Variants in HERC1 observed in about 807,000 individuals in gnomAD.
HERC1 encodes HECT and RLD domain containing E3 ubiquitin protein ligase family member 1.
In HERC1, 160 loss-of-function variants were observed where a neutral mutation model predicts 554.3. The ratio of observed to expected loss-of-function variants is 0.29; its 90% CI spans 0.25 to 0.33. The LOEUF (loss-of-function observed/expected upper bound fraction) is 0.33. Ranked by LOEUF, HERC1 falls within the 10% of genes least tolerant of loss-of-function variation. The pLI is 1.00. For synonymous variants in HERC1, 2,175 were observed against 2,131.7 expected (o/e 1.02, Z -0.56); for missense variants, 4,919 against 5,918.5 (o/e 0.83, Z 5.54).
chr15:63,643,328 TG>T (rs1231909468), intron 58 of HERC1, 75 bp downstream of exon 58: 1 of 1,280,706 alleles, frequency 7.8e-7, no homozygotes, highest in Non-Finnish European at 1.1e-6. Flanking sequence ...TTTCTACAAT[TG>T]GTTAATTTTT....
intron 18 of HERC1, among the ~76,000 whole-genome samples, chr15:63,724,661 A>T (rs980635688): frequency 6.6e-6 from 1 of 152,188 alleles, no homozygotes; most frequent in Non-Finnish European, 1.5e-5. Flanking sequence ...TCATTATTTT[A>T]TAGAATCAAA....
At position 63,758,190 on chromosome 15, in the gene HERC1, G is replaced by C. The variant is rs1312955523; in HGVS notation, c.1206C>G (p.Phe402Leu). The change falls in exon 4 of 78, where the codon TTC becomes TTG. Residue 402 changes from phenylalanine to leucine, a missense_variant. Around this residue, in one of 11 missense-constraint regions of HERC1, gnomAD observed 744 missense variants for 1,090.0 expected, o/e 0.68. Coordinates refer to ENST00000443617, the MANE Select transcript of HERC1 (RefSeq NM_003922.4). This position sits in a 1 kb window ranked among gnomAD's most constrained non-coding sequence, Gnocchi z 4.0. ...GAAAACTTACGGTCTGTGCATCAGAGAAACTAGGAGCCAGTTTGGGTTGCA... is the reference window on the plus strand; with the variant it reads ...GAAAACTTACGGTCTGTGCATCAGACAAACTAGGAGCCAGTTTGGGTTGCA... Reference protein sequence around the residue: ...KILQPKLAPSFSDAQTIEAGQ... With the variant: ...KILQPKLAPSLSDAQTIEAGQ... 6.2e-7 allele frequency: 1 copy of C among 1,609,428 alleles called. No individual in the cohort carries two copies.
At chr15:63,623,369 A>C (rs1336793943) in intron 73 of HERC1, among the ~76,000 whole-genome samples, 1 of 152,204 alleles carries the variant, frequency 6.6e-6, no homozygotes, top group Non-Finnish European at 1.5e-5. Flanking sequence ...TGGCAGTTCT[A>C]CTTTGTTCTA....
chr15:63,672,751 C>A, intron 38 of HERC1, 57 bp from the exon 39 acceptor site: 1 of 1,212,890 alleles, frequency 8.2e-7, no homozygotes, highest in Non-Finnish European at 1.1e-6. Context: ...TCAAAAATAA[C>A]AGCGGGAATA....
intron 74 of HERC1, among the ~76,000 whole-genome samples, chr15:63,617,878 G>T (rs994980304): frequency 2.7e-4 from 41 of 151,872 alleles, no homozygotes; most frequent in African/African-American, 3.9e-4. Flanking sequence ...TAAATGTGTT[G>T]GAGTTCATTG....
At chr15:63,719,586 C>A (rs1028879714) in intron 19 of HERC1, among the ~76,000 whole-genome samples, 1 of 152,194 alleles carries the variant, frequency 6.6e-6, no homozygotes, top group African/African-American at 2.4e-5. Flanking sequence ...GAGTGGAGAA[C>A]TGACTTATAG....
rs2074183618 is a variant in HERC1, at chr15:63,729,441, A to G, written c.3021+56T>C. 11 of 1,596,428 alleles carry G rather than the reference A, an allele frequency of 6.9e-6. No individual in the cohort carries two copies. The South Asian group carries it at 1.1e-4, about 16-fold the overall frequency. The stretch of plus-strand genomic sequence containing the variant: ...TGTAAAAATATCATGGCCTATCCAA[A>G]TATCTGAGTTTCAAGGTCCCTGATA... On this transcript the variant is annotated intron_variant, in intron 15 of 77. Transcript: ENST00000443617.
chr15:63,765,247 T>C (rs1364294534), intron 2 of HERC1, among the ~76,000 whole-genome samples: 1 of 152,122 alleles, frequency 6.6e-6, no homozygotes, highest in African/African-American at 2.4e-5. Context: ...AATGCGACCA[T>C]ACCCTCCTTT....
chr15:63,764,990 G>A (rs1012911141), intron 2 of HERC1, among the ~76,000 whole-genome samples: 2 of 152,092 alleles, frequency 1.3e-5, no homozygotes, highest in African/African-American at 2.4e-5. Flanking sequence ...CTGTGAAAAG[G>A]AAATAAAACC....
intron 2 of HERC1, among the ~76,000 whole-genome samples, chr15:63,771,025 C>G (rs982507703): frequency 1.3e-5 from 2 of 152,026 alleles, no homozygotes; most frequent in Non-Finnish European, 2.9e-5. Flanking sequence ...CCCGTCTCTA[C>G]TAAAAATACA....
intron 3 of HERC1, among the ~76,000 whole-genome samples, chr15:63,760,175 A>G (rs2075560822): frequency 1.3e-5 from 2 of 152,140 alleles, no homozygotes; most frequent in Admixed American, 1.3e-4. Flanking sequence ...GAATACCAAG[A>G]CAAAAGTTGG....
Position 63,756,511 on chromosome 15 carries a change from A to T in HERC1, c.1459T>A (p.Tyr487Asn). ...CTATTTCCATGCCCCAGTTTCCCATAATCACCATCTCCCCAACTGAAGACT... is the reference window on the plus strand; with the variant it reads ...CTATTTCCATGCCCCAGTTTCCCATTATCACCATCTCCCCAACTGAAGACT... ...GEVFSWGDGDYGKLGHGNSST... is the reference protein window; with the variant it reads ...GEVFSWGDGDNGKLGHGNSST... Residue 487 changes from tyrosine to asparagine, a missense_variant, in exon 5 of 78, where the codon TAT (tyrosine) becomes AAT (asparagine). By Grantham distance (143) the Tyr-to-Asn change is moderately radical. Transcript: ENST00000443617. The surrounding 1 kb of genome is among the most constrained non-coding windows in gnomAD (Gnocchi z 5.0). The T allele has an allele frequency of 1.2e-6, 2 of 1,613,974 alleles. No individual in the cohort carries two copies. Among genetic ancestry groups the T allele is most frequent in the Non-Finnish European group, 1.7e-6 (2 of 1,179,836 alleles).
chr15:63,683,686 T>C (rs940627363), intron 34 of HERC1, among the ~76,000 whole-genome samples: 9 of 152,204 alleles, frequency 5.9e-5, no homozygotes, highest in African/African-American at 1.9e-4. Flanking sequence ...TCTCTTTCTG[T>C]TACCCAGGCT....
intron 1 of HERC1, among the ~76,000 whole-genome samples, chr15:63,787,515 T>C (rs1274279669): frequency 6.6e-6 from 1 of 152,086 alleles, no homozygotes; most frequent in Non-Finnish European, 1.5e-5. Flanking sequence ...CAAAATGAAC[T>C]GAGGGTATGT....
At chr15:63,627,548 C>G (rs757197667) in intron 70 of HERC1, among the ~76,000 whole-genome samples, 22 of 152,076 alleles carry the variant, frequency 1.4e-4, no homozygotes, top group Non-Finnish European at 3.1e-4. Flanking sequence ...GTGGCACATG[C>G]CTGTAATCCC....
intron 1 of HERC1, among the ~76,000 whole-genome samples, chr15:63,817,191 C>A (rs2077520761): frequency 6.6e-6 from 1 of 152,014 alleles, no homozygotes; most frequent in African/African-American, 2.4e-5. Context: ...AAAGTATGAA[C>A]CTTATTTGGA....
chr15:63,612,278 C>T lies in HERC1; in HGVS notation c.14373G>A (p.Gln4791=). 6.2e-7 allele frequency: 1 copy of T among 1,610,944 alleles called. No homozygotes were observed. The highest frequency in any genetic ancestry group is 8.5e-7 in the Non-Finnish European group (1 of 1,177,402). ...TATCAACCTTCATGATTTGAAATCT[C>T]TGAGAAATGTCAGCAGTGTTGGCTG... is the stretch of plus-strand genomic sequence containing the variant. The part of the protein sequence containing the change: ...RLPANTADIS[Q]RFQIMKVDRP... The change falls in exon 77 of 78, where the codon CAG becomes CAA. Residue 4791 remains glutamine (Q), a synonymous_variant. Coordinates refer to ENST00000443617, the MANE Select transcript of HERC1 (RefSeq NM_003922.4). This position sits in a 1 kb window ranked among gnomAD's most constrained non-coding sequence, Gnocchi z 5.0.
At chr15:63,803,859 T>G (rs2077060944) in intron 1 of HERC1, among the ~76,000 whole-genome samples, 1 of 152,218 alleles carries the variant, frequency 6.6e-6, no homozygotes, top group African/African-American at 2.4e-5. Context: ...ATCTGACTTT[T>G]AAGCTTATTA....
At chr15:63,717,276 A>G (rs768850550) in intron 21 of HERC1, among the ~76,000 whole-genome samples, 9 of 152,206 alleles carry the variant, frequency 5.9e-5, no homozygotes, top group African/African-American at 9.6e-5. Context: ...AAATTAATAC[A>G]TTTCATGGAC....
Sources: allele counts gnomAD v4.1 joint callset (sites outside exome capture counted in the v4.1 genomes callset), GRCh38; gene constraint gnomAD v4.1.1; regional missense constraint gnomAD v4.1.1; non-coding constraint Gnocchi (gnomAD v3.1); transcripts MANE v1.5; gene names NCBI Gene and HGNC (gene_info 2026-07-23, HGNC 2026-07-21).